Variants in SETDB1 observed in about 807,000 individuals in gnomAD.
SETDB1 encodes the protein histone-lysine N-methyltransferase SETDB1.
A neutral mutation model predicts 137.4 loss-of-function variants in SETDB1; 31 were observed. The observed-to-expected ratio is 0.23, with a 90% CI of 0.17 to 0.30. The LOEUF (loss-of-function observed/expected upper bound fraction) is 0.30, where lower values mean the gene tolerates loss of function less well. Among genes scored for constraint, SETDB1 ranks in the 10% least tolerant of loss-of-function variants. SETDB1 has a pLI of 1.00. For missense variants in SETDB1, 1,113 were observed against 1,631.5 expected (o/e 0.68, Z 5.47); for synonymous variants, 548 against 579.9 (o/e 0.95, Z 0.79).
At chr1:150,955,325 T>C (rs1558024076) in intron 14 of SETDB1, among the ~76,000 whole-genome samples, 3 of 152,242 alleles carry the variant, frequency 2.0e-5, no homozygotes, top group Non-Finnish European at 4.4e-5. Context: ...CTCTATAATA[T>C]AGTCCCTCTG....
chr1:150,963,830 A>G lies in SETDB1; in HGVS notation c.3672+89A>G, dbSNP rs1007660103. On this transcript the variant is annotated intron_variant, in intron 20 of 21. Coordinates refer to ENST00000692827, the MANE Select transcript of SETDB1 (RefSeq NM_001366418.1). The stretch of plus-strand genomic sequence containing the variant: ...ATACTCTATAAGCCCTTTTCTTGTT[A>G]TAAACTCTTGATCTCAAAGGATCTT... 2.1e-6 allele frequency: 3 copies of G among 1,399,726 alleles called. No individual in the cohort carries two copies. In the African/African-American group the frequency reaches 4.3e-5, roughly 20 times the overall value. 86.7% of individuals were successfully genotyped at this position (1,399,726 alleles called of 1,614,324 possible). A position where few individuals can be genotyped will look rare whatever the true frequency, so the allele number is the denominator to read the frequency against.
Position 150,964,042 on chromosome 1 carries a change from C to T in SETDB1, c.3720C>T (p.Thr1240=). The change falls in exon 21 of 22, where the codon ACC becomes ACT. Residue 1240 remains threonine, a synonymous_variant. Transcript: ENST00000692827. ...NLFVQNVFVD[T]HDLRFPWVAF... is the part of the protein sequence containing the mutation. ...TTGTCCAGAATGTCTTCGTGGATAC[C>T]CATGATCTTCGCTTCCCCTGGGTGG... 6.2e-7 allele frequency: 1 copy of T among 1,614,102 alleles called. No individual in the cohort carries two copies. Among genetic ancestry groups the T allele is most frequent in the Non-Finnish European group, 8.5e-7 (1 of 1,180,026 alleles).
chr1:150,932,337 T>C (rs1272894303), intron 3 of SETDB1, among the ~76,000 whole-genome samples: 2 of 152,204 alleles, frequency 1.3e-5, no homozygotes, highest in East Asian at 3.9e-4. Flanking sequence ...CAGGGTAATA[T>C]AGGCCTTGTA....
At chr1:150,946,436 A>T (rs1056197585) in intron 9 of SETDB1, among the ~76,000 whole-genome samples, 2 of 151,610 alleles carry the variant, frequency 1.3e-5, no homozygotes, top group African/African-American at 2.4e-5. Flanking sequence ...CACATACTTT[A>T]TTAAGTAGAT....
chr1:150,950,840 C>T lies in SETDB1; in HGVS notation c.1966C>T (p.Leu656=). 3 of 1,614,172 alleles carry T rather than the reference C, an allele frequency of 1.9e-6. No homozygotes were observed. Among genetic ancestry groups the T allele is most frequent in the South Asian group, 2.2e-5 (2 of 91,082 alleles). Residue 656 remains leucine (L), a synonymous_variant, in exon 13 of 22, where the codon CTG becomes TTG. Coordinates refer to ENST00000692827, the MANE Select transcript of SETDB1 (RefSeq NM_001366418.1). The part of the protein sequence containing the change: ...LFETGCDFLF[L]EMFCLDPYVL... ...CGAGACTGGCTGTGACTTCCTCTTCCTGGAGATGTTCTGTTTGGATCCATA... is the reference window on the plus strand; with the variant it reads ...CGAGACTGGCTGTGACTTCCTCTTCTTGGAGATGTTCTGTTTGGATCCATA...
intron 2 of SETDB1, among the ~76,000 whole-genome samples, chr1:150,928,529 G>C (rs752087905): frequency 3.3e-5 from 5 of 151,896 alleles, no homozygotes; most frequent in Non-Finnish European, 7.4e-5. Context: ...AAGAATTTCT[G>C]TCTTACGTAA....
At chr1:150,958,149 C>T (rs1171104003) in intron 14 of SETDB1, among the ~76,000 whole-genome samples, 1 of 148,774 alleles carries the variant, frequency 6.7e-6, no homozygotes, top group African/African-American at 2.5e-5. Flanking sequence ...CGCCATTGCA[C>T]TCCAGCCTGG....
chr1:150,931,656 CAAA>C (rs10607028), intron 3 of SETDB1, among the ~76,000 whole-genome samples: 52 of 108,426 alleles, frequency 4.8e-4, no homozygotes, highest in Middle Eastern at 6.4e-3. Flanking sequence ...AAAGATAAAC[CAAA>C]AAAAAAAAAA....
intron 15 of SETDB1, 96 bp downstream of exon 15, chr1:150,959,443 T>C (rs1373126014): frequency 2.3e-5 from 24 of 1,046,400 alleles, no homozygotes; most frequent in Non-Finnish European, 3.4e-5. Context: ...GTGCTTGACA[T>C]GTGAACTGGA....
chr1:150,941,296 C>G, intron 4 of SETDB1, 33 bp from the exon 5 acceptor site: 1 of 1,333,760 alleles, frequency 7.5e-7, no homozygotes, highest in Non-Finnish European at 1.1e-6. Context: ...GCTACTGTTT[C>G]AAAACTTGTT....
intron 20 of SETDB1, 82 bp downstream of exon 20, chr1:150,963,823 T>A: frequency 7.0e-7 from 1 of 1,430,216 alleles, no homozygotes; most frequent in Non-Finnish European, 9.8e-7. Flanking sequence ...TAAGCCCTTT[T>A]CTTGTTATAA....
chr1:150,960,999 C>A lies in SETDB1; in HGVS notation c.2940C>A (p.Asn980Lys). 6.2e-7 allele frequency: 1 copy of A among 1,613,714 alleles called. No individual in the cohort carries two copies. The highest frequency in any genetic ancestry group is 8.5e-7 in the Non-Finnish European group (1 of 1,179,928). Reference protein sequence around the residue: ...NPPSSEETPKNKVASWLSCNS... With the variant: ...NPPSSEETPKKKVASWLSCNS... ...CTTCCTCCGAAGAGACACCCAAGAA[C>A]AAGGTGGCCTCATGGTTGAGCTGCA... The change falls in exon 16 of 22, where the codon AAC (asparagine) becomes AAA (lysine). Residue 980 changes from asparagine to lysine, a missense_variant. Asn to Lys is a moderately conservative substitution (Grantham distance 94, BLOSUM62 0). This residue lies in a region of SETDB1 where 373 missense variants were observed against 412.7 expected (regional missense o/e 0.90). Coordinates refer to ENST00000692827, the MANE Select transcript of SETDB1 (RefSeq NM_001366418.1).
chr1:150,960,980 C>T lies in SETDB1; in HGVS notation c.2921C>T (p.Ser974Phe). 6.2e-7 allele frequency: 1 copy of T among 1,614,000 alleles called. No homozygotes were observed. ...IPVGGCNPPSSEETPKNKVAS... is the reference protein window; with the variant it reads ...IPVGGCNPPSFEETPKNKVAS... ...GTAGGTGGCTGCAATCCACCTTCCTCCGAAGAGACACCCAAGAACAAGGTG... is the reference window on the plus strand; with the variant it reads ...GTAGGTGGCTGCAATCCACCTTCCTTCGAAGAGACACCCAAGAACAAGGTG... The change falls in exon 16 of 22, where the codon TCC becomes TTC. Residue 974 changes from serine (S) to phenylalanine (F), a missense_variant. Coordinates refer to ENST00000692827, the MANE Select transcript of SETDB1 (RefSeq NM_001366418.1).
At chr1:150,933,773 CTTTTTCTTTTTTT>C (rs1194291598) in intron 3 of SETDB1, among the ~76,000 whole-genome samples, 1 of 13,930 alleles carries the variant, frequency 7.2e-5, no homozygotes, top group Non-Finnish European at 3.3e-4. Flanking sequence ...TTTTCTTTTT[CTTTTTCTTTTTTT>C]TTTTTTTTTT....
chr1:150,938,422 G>A (rs767959247), intron 3 of SETDB1, among the ~76,000 whole-genome samples: 2 of 152,008 alleles, frequency 1.3e-5, no homozygotes, highest in Non-Finnish European at 2.9e-5. Flanking sequence ...GAAATTTTTG[G>A]AGTGATGAAA....
chr1:150,944,127 T>G, intron 8 of SETDB1, 134 bp downstream of exon 8: 1 of 709,160 alleles, frequency 1.4e-6, no homozygotes. Flanking sequence ...TGATGTCTTT[T>G]GCTCCCAAAG....
chr1:150,942,898 T>C lies in SETDB1; in HGVS notation c.720T>C (p.Ser240=). Residue 240 remains serine (S), a synonymous_variant, in exon 7 of 22, where the codon AGT becomes AGC. Coordinates refer to ENST00000692827, the MANE Select transcript of SETDB1 (RefSeq NM_001366418.1). ...YKVKFDNKGK[S]LLSGNHIAYD... ...TGAAATTTGACAACAAAGGAAAGAG[T>C]CTACTGTCGGGGAACCATATTGCCT... 2 of 1,613,850 alleles carry C rather than the reference T, an allele frequency of 1.2e-6. No homozygotes were observed. The highest frequency in any genetic ancestry group is 1.3e-5 in the African/African-American group (1 of 74,900).
chr1:150,963,808 C>CTCTATAAGCCCTTT, intron 20 of SETDB1, 67 bp downstream of exon 20: 1 of 1,471,592 alleles, frequency 6.8e-7, no homozygotes, highest in Non-Finnish European at 9.5e-7. Flanking sequence ...TTTTAACATA[C>CTCTATAAGCCCTTT]TCTATAAGCC....
chr1:150,955,467 T>C (rs1461977696), intron 14 of SETDB1, among the ~76,000 whole-genome samples: 1 of 152,228 alleles, frequency 6.6e-6, no homozygotes, highest in East Asian at 1.9e-4. Context: ...TTTTCCAGCC[T>C]GCCTCTGGAG....
Sources: gnomAD v4.1 joint callset for allele counts (sites outside exome capture counted in the v4.1 genomes callset) on GRCh38, gnomAD v4.1.1 for gene constraint, gnomAD v4.1.1 regional missense constraint, MANE v1.5 for transcripts, NCBI Gene and HGNC (gene_info 2026-07-23, HGNC 2026-07-21) for gene names.